XRCC4: variants seen among roughly 807,000 people sequenced by gnomAD.
XRCC4 encodes the protein DNA repair protein XRCC4.
In XRCC4, 28 loss-of-function variants were observed where a neutral mutation model predicts 39.1. The observed-to-expected ratio is 0.72, with a 90% CI of 0.53 to 0.98. The LOEUF (loss-of-function observed/expected upper bound fraction) is 0.98. Among genes scored for constraint, XRCC4 ranks in the 50% least tolerant of loss-of-function variants. The pLI, the probability that XRCC4 is intolerant of heterozygous loss-of-function variation, is 0.00. For missense variants in XRCC4, 350 were observed against 376.4 expected (o/e 0.93, Z 0.58); for synonymous variants, 123 against 126.4 (o/e 0.97, Z 0.18).
At chr5:83,288,255 G>T (rs756055485) in intron 7 of XRCC4, among the ~76,000 whole-genome samples, 1 of 151,826 alleles carries the variant, frequency 6.6e-6, no homozygotes, top group Non-Finnish European at 1.5e-5. Flanking sequence ...TTGGATGGAA[G>T]ATTCTATAAA....
At chr5:83,359,515 T>C in the XRCC4 span, among the ~76,000 whole-genome samples, 5 of 152,136 alleles carry the variant, frequency 3.3e-5, no homozygotes, top group Non-Finnish European at 5.9e-5. Context: ...CAGAGCACCC[T>C]GGGGACCGAC....
chr5:83,080,207 G>C (rs1212288641), intron 1 of XRCC4, among the ~76,000 whole-genome samples: 1 of 152,116 alleles, frequency 6.6e-6, no homozygotes, highest in African/African-American at 2.4e-5. Context: ...AGTTACCCAT[G>C]ATCAACCACA....
intron 3 of XRCC4, among the ~76,000 whole-genome samples, chr5:83,141,448 C>T (rs1420586258): frequency 1.3e-5 from 2 of 152,200 alleles, no homozygotes; most frequent in African/African-American, 2.4e-5. Flanking sequence ...CCTGATTCCT[C>T]ACACCCTCAC....
Position 83,195,124 on chromosome 5 carries a change from A to G in XRCC4, c.316-646A>G, listed in dbSNP as rs927857805. On this transcript the variant is annotated intron_variant, in intron 3 of 7. Transcript: ENST00000396027. ...GTTCTCTTCAGAATTCCATAAGTGT[A>G]CTAAAACTATTTGAGTATTTTATTT... is the stretch of plus-strand genomic sequence containing the variant. 2.0e-5 allele frequency among the ~76,000 whole-genome samples: 3 copies of G among 152,174 alleles called. No individual in the cohort carries two copies. In the South Asian group the frequency reaches 6.2e-4, roughly 31 times the overall value.
At chr5:83,129,687 T>G (rs1404857022) in intron 3 of XRCC4, among the ~76,000 whole-genome samples, 1 of 152,106 alleles carries the variant, frequency 6.6e-6, no homozygotes, top group African/African-American at 2.4e-5. Context: ...AAGAGGTCCT[T>G]CGCATCCCTT....
chr5:83,096,927 C>T (rs927543575), intron 1 of XRCC4, among the ~76,000 whole-genome samples: 2 of 152,148 alleles, frequency 1.3e-5, no homozygotes, highest in African/African-American at 4.8e-5. Flanking sequence ...ATGCATATGA[C>T]CTCACTCCTG....
chr5:83,349,610 C>G (rs1224620624), intron 7 of XRCC4, among the ~76,000 whole-genome samples: 2 of 152,182 alleles, frequency 1.3e-5, no homozygotes, highest in African/African-American at 4.8e-5. Context: ...CACCAGGAAT[C>G]TATTTATCCT....
intron 6 of XRCC4, among the ~76,000 whole-genome samples, chr5:83,242,987 A>G (rs1157485998): frequency 1.3e-5 from 2 of 152,118 alleles, no homozygotes; most frequent in African/African-American, 4.8e-5. Context: ...TTTCTATAAC[A>G]CCACATTGCT....
At chr5:83,138,171 C>T (rs1203154546) in intron 3 of XRCC4, among the ~76,000 whole-genome samples, 2 of 152,148 alleles carry the variant, frequency 1.3e-5, no homozygotes, top group Non-Finnish European at 2.9e-5. Context: ...GGGCCTCAAA[C>T]ATATGCTTCT....
chr5:83,372,519 A>C, the XRCC4 span, among the ~76,000 whole-genome samples: 2 of 152,306 alleles, frequency 1.3e-5, no homozygotes, highest in African/African-American at 4.8e-5. Flanking sequence ...TGGGGGTAGC[A>C]GAATTTATTG....
chr5:83,252,861 A>G (rs77755439), intron 6 of XRCC4, among the ~76,000 whole-genome samples: 7,012 of 152,258 alleles, frequency 0.046, 480 homozygotes, highest in African/African-American at 0.16. Context: ...TCCAGTCTTT[A>G]TATTTATCTT....
chr5:83,183,617 G>C (rs1002616073), intron 3 of XRCC4, among the ~76,000 whole-genome samples: 2 of 152,044 alleles, frequency 1.3e-5, no homozygotes, highest in Non-Finnish European at 2.9e-5. Context: ...CCTTGAAATA[G>C]TGTTTTTGCT....
intron 6 of XRCC4, among the ~76,000 whole-genome samples, chr5:83,218,390 G>A (rs1169010343): frequency 2.6e-5 from 4 of 151,696 alleles, no homozygotes; most frequent in Non-Finnish European, 5.9e-5. Flanking sequence ...AGATGGTTTC[G>A]ACTTTCATAT....
At chr5:83,125,504 T>C (rs1333421009) in intron 3 of XRCC4, among the ~76,000 whole-genome samples, 1 of 152,256 alleles carries the variant, frequency 6.6e-6, no homozygotes, top group Non-Finnish European at 1.5e-5. Flanking sequence ...GAATGTCAAT[T>C]GTTCTAACAC....
chr5:83,362,315 A>C, the XRCC4 span, among the ~76,000 whole-genome samples: 1 of 150,942 alleles, frequency 6.6e-6, no homozygotes, highest in African/African-American at 2.4e-5. Context: ...AAAAAAAAAA[A>C]AAACTATCTC....
intron 7 of XRCC4, among the ~76,000 whole-genome samples, chr5:83,265,453 C>G (rs552892131): frequency 1.3e-5 from 2 of 152,304 alleles, no homozygotes; most frequent in South Asian, 4.1e-4. Flanking sequence ...CAGGCTGCGG[C>G]TCTCACTTTG....
intron 6 of XRCC4, among the ~76,000 whole-genome samples, chr5:83,257,085 A>T (rs1418009152): frequency 6.6e-6 from 1 of 152,172 alleles, no homozygotes; most frequent in Non-Finnish European, 1.5e-5. Flanking sequence ...GTTGTCTCGT[A>T]GAGATCAAGT....
intron 6 of XRCC4, among the ~76,000 whole-genome samples, chr5:83,216,442 C>T (rs1751862016): frequency 6.6e-6 from 1 of 152,144 alleles, no homozygotes; most frequent in African/African-American, 2.4e-5. Context: ...TACCCTATAA[C>T]CTAGCTATTC....
chr5:83,368,895 T>C, the XRCC4 span, among the ~76,000 whole-genome samples: 1 of 152,116 alleles, frequency 6.6e-6, no homozygotes, highest in African/African-American at 2.4e-5. Context: ...ACTTGGTAGA[T>C]GATAGGTAAC....
Sources: gnomAD v4.1 joint callset for allele counts (sites outside exome capture counted in the v4.1 genomes callset) on GRCh38, gnomAD v4.1.1 for gene constraint, MANE v1.5 for transcripts, NCBI Gene and HGNC (gene_info 2026-07-23, HGNC 2026-07-21) for gene names.